The following FOXN3 variants were observed in gnomAD, a reference collection of about 807,000 sequenced individuals.
The protein encoded by FOXN3 is forkhead box protein N3.
FOXN3 carries 7 observed loss-of-function variants against 38.4 expected under a neutral mutation model. The observed-to-expected ratio is 0.18, with a 90% CI of 0.10 to 0.34. FOXN3 has a LOEUF of 0.34. Ranked by LOEUF, FOXN3 falls within the 10% of genes least tolerant of loss-of-function variation. The probability of loss-of-function intolerance (pLI) is 1.00; values close to 1 mark genes in which losing one functional copy is unlikely to be tolerated. For synonymous variants in FOXN3, 230 were observed against 242.2 expected (o/e 0.95, Z 0.47); for missense variants, 456 against 613.4 (o/e 0.74, Z 2.71).
At chr14:89,531,944 G>A (rs1017207596) in intron 1 of FOXN3, among the ~76,000 whole-genome samples, 1 of 152,160 alleles carries the variant, frequency 6.6e-6, no homozygotes, top group Non-Finnish European at 1.5e-5. Flanking sequence ...GAGTAGCTAC[G>A]ACTACAGGCA....
At chr14:89,566,445 T>TAA (rs1566702284) in intron 1 of FOXN3, among the ~76,000 whole-genome samples, 15 of 150,698 alleles carry the variant, frequency 1.0e-4, no homozygotes, top group African/African-American at 3.0e-4. Context: ...AATAATTTTT[T>TAA]TAAAAAAAAA....
chr14:89,179,648 C>T (rs1887612545), intron 5 of FOXN3, among the ~76,000 whole-genome samples: 1 of 152,096 alleles, frequency 6.6e-6, no homozygotes, highest in Admixed American at 6.5e-5. Context: ...CAGAAAGGGA[C>T]ACACAGAGAA....
intron 1 of FOXN3, among the ~76,000 whole-genome samples, chr14:89,552,535 C>T (rs1338433153): frequency 6.6e-6 from 1 of 152,164 alleles, no homozygotes; most frequent in Non-Finnish European, 1.5e-5. Context: ...GAGGGTGTCT[C>T]CACATGGTTG....
chr14:89,182,075 G>A (rs57810253), intron 4 of FOXN3, among the ~76,000 whole-genome samples: 22 of 152,214 alleles, frequency 1.4e-4, no homozygotes, highest in East Asian at 7.8e-4. Flanking sequence ...AACAAAGACC[G>A]TTGAAAAGGC....
chr14:89,248,860 A>C (rs1885371735), intron 4 of FOXN3, among the ~76,000 whole-genome samples: 1 of 152,258 alleles, frequency 6.6e-6, no homozygotes, highest in African/African-American at 2.4e-5. Context: ...TTCAAGTGGA[A>C]TACTTTAAAA....
rs78863971 is a variant in FOXN3 at position 89,445,503 on chromosome 14, T to G, written c.-14-33013A>C. On this transcript the variant is annotated intron_variant, in intron 1 of 6. Transcript: ENST00000345097. The stretch of plus-strand genomic sequence containing the variant: ...TCATATGGCTAATACAGGAACTCTT[T>G]TTCATTTCCCCAGTTGAATACATCA... Among the ~76,000 whole-genome samples, 482 of 152,290 alleles carry G rather than the reference T, an allele frequency of 3.2e-3. 16 individuals are homozygous for G. The East Asian group carries it at 0.066, about 21-fold the overall frequency.
At chr14:89,590,043 C>T (rs1036429629) in intron 1 of FOXN3, among the ~76,000 whole-genome samples, 2 of 151,966 alleles carry the variant, frequency 1.3e-5, no homozygotes, top group Admixed American at 6.6e-5. Context: ...TCTAAGCAGC[C>T]GAAAGGAGAA....
At chr14:89,354,557 A>G (rs182805415) in intron 2 of FOXN3, among the ~76,000 whole-genome samples, 2,227 of 149,462 alleles carry the variant, frequency 0.015, 75 homozygotes, top group African/African-American at 0.052. Flanking sequence ...AAAAAAAAAA[A>G]AAAAGAAAAG....
At chr14:89,257,404 C>G (rs1885657578) in intron 4 of FOXN3, among the ~76,000 whole-genome samples, 2 of 152,180 alleles carry the variant, frequency 1.3e-5, no homozygotes, top group Non-Finnish European at 2.9e-5. Flanking sequence ...CGAAGTTGGG[C>G]TGAAACATAC....
At chr14:89,353,997 T>A (rs1566964225) in intron 2 of FOXN3, among the ~76,000 whole-genome samples, 1 of 152,060 alleles carries the variant, frequency 6.6e-6, no homozygotes, top group South Asian at 2.1e-4. Flanking sequence ...ATGTAACAGT[T>A]TGGAGTAGTA....
At chr14:89,359,655 G>A (rs543070018) in intron 2 of FOXN3, among the ~76,000 whole-genome samples, 5 of 152,168 alleles carry the variant, frequency 3.3e-5, no homozygotes, top group Admixed American at 1.3e-4. Flanking sequence ...TCATGTCTTC[G>A]TGCACACTGA....
At chr14:89,545,514 G>A (rs10133299) in intron 1 of FOXN3, among the ~76,000 whole-genome samples, 7,420 of 152,172 alleles carry the variant, frequency 0.049, 584 homozygotes, top group African/African-American at 0.17. Context: ...GGCCTCCCCA[G>A]CTCCCAGTCC....
At chr14:89,610,427 C>T (rs1049179536) in intron 1 of FOXN3, among the ~76,000 whole-genome samples, 1 of 152,218 alleles carries the variant, frequency 6.6e-6, no homozygotes, top group African/African-American at 2.4e-5. Context: ...CTCCACCGCC[C>T]ACAATGGATC....
At chr14:89,190,820 T>C (rs79552973) in intron 4 of FOXN3, among the ~76,000 whole-genome samples, 3,535 of 152,296 alleles carry the variant, frequency 0.023, 159 homozygotes, top group African/African-American at 0.081. Flanking sequence ...CATATGAATC[T>C]TTAATGAACT....
At chr14:89,319,993 C>T (rs1468065288) in intron 3 of FOXN3, among the ~76,000 whole-genome samples, 1 of 152,182 alleles carries the variant, frequency 6.6e-6, no homozygotes, top group Non-Finnish European at 1.5e-5. Flanking sequence ...ATTACTAAGA[C>T]AGGTAAACAT....
intron 3 of FOXN3, among the ~76,000 whole-genome samples, chr14:89,316,453 T>A (rs892623326): frequency 3.3e-5 from 5 of 151,876 alleles, no homozygotes; most frequent in Non-Finnish European, 2.9e-5. Context: ...CCTCCCAGGC[T>A]CAAGCAATCC....
intron 1 of FOXN3, among the ~76,000 whole-genome samples, chr14:89,593,784 T>C (rs1195870860): frequency 6.6e-6 from 1 of 152,178 alleles, no homozygotes; most frequent in African/African-American, 2.4e-5. Context: ...AATTATTTTA[T>C]TTTTTGTAGA....
chr14:89,586,040 T>A (rs1596325411), intron 1 of FOXN3, among the ~76,000 whole-genome samples: 2 of 152,224 alleles, frequency 1.3e-5, no homozygotes, highest in East Asian at 3.9e-4. Context: ...TGAAGTAGTA[T>A]GTGGGGCTAC....
chr14:89,323,221 G>A (rs1887942637), intron 3 of FOXN3, among the ~76,000 whole-genome samples: 1 of 150,316 alleles, frequency 6.7e-6, no homozygotes, highest in Admixed American at 6.6e-5. Flanking sequence ...CCAGGAGGCA[G>A]AGGTTGCAGT....
Sources: gnomAD v4.1 joint callset for allele counts (sites outside exome capture counted in the v4.1 genomes callset) on GRCh38, gnomAD v4.1.1 for gene constraint, MANE v1.5 for transcripts, NCBI Gene and HGNC (gene_info 2026-07-23, HGNC 2026-07-21) for gene names.